TPD52: variants seen among roughly 807,000 people sequenced by gnomAD.
The protein encoded by TPD52 is tumor protein D52, also known as prostate and colon associated protein.
A neutral mutation model predicts 31.3 loss-of-function variants in TPD52; 17 were observed. The ratio of observed to expected loss-of-function variants is 0.54; its 90% confidence interval spans 0.37 to 0.82. TPD52 has a LOEUF of 0.82. Ranked by LOEUF, TPD52 falls within the 40% of genes least tolerant of loss-of-function variation. TPD52 has a pLI of 0.00. For synonymous variants in TPD52, 83 were observed against 89.6 expected, an observed-to-expected ratio of 0.93 and a Z score of 0.42; for missense variants, 212 against 240.1, an observed-to-expected ratio of 0.88 and a Z score of 0.77.
At chr8:80,051,342 G>T in intron 4 of TPD52, 185 bp downstream of exon 4, 1 of 570,494 alleles carries the variant, frequency 1.8e-6, no homozygotes, top group South Asian at 2.2e-5. Context: ...ATCATTTGAT[G>T]TTAGAATGCT....
At chr8:80,154,701 TGACA>T (rs1371522953) in intron 1 of TPD52, among the ~76,000 whole-genome samples, 10 of 110,982 alleles carry the variant, frequency 9.0e-5, no homozygotes, top group Non-Finnish European at 1.8e-5. Flanking sequence ...CTTTGAATCA[TGACA>T]TACACACACA....
In TPD52 at chr8:80,062,631, G is replaced by A. The variant is rs185954504; in HGVS notation, c.135+1847C>T. On this transcript the variant is annotated intron_variant, in intron 2 of 7. Transcript: ENST00000518937. ...ATTGCTGATGGGAATATTAAATGGT[G>A]TTAATACTGTGAAAACAGTTTGGTG... Among the ~76,000 whole-genome samples the A allele has an allele frequency of 2.9e-3, 445 of 152,254 alleles. 13 individuals are homozygous for A. The highest frequency in any genetic ancestry group is 3.8e-4 in the Non-Finnish European group (26 of 68,016).
chr8:80,105,061 AAAAATAAAAAATAAGAAAAATTTTTT>A (rs1356101587), intron 1 of TPD52, among the ~76,000 whole-genome samples: 1 of 152,170 alleles, frequency 6.6e-6, no homozygotes, highest in Admixed American at 6.6e-5. Context: ...ACTGTCTCAA[AAAAATAAAAAATAAGAAAAATTTTTT>A]AAAAGAAAAT....
At chr8:80,061,603 T>G (rs1812561823) in intron 2 of TPD52, among the ~76,000 whole-genome samples, 1 of 152,076 alleles carries the variant, frequency 6.6e-6, no homozygotes, top group African/African-American at 2.4e-5. Flanking sequence ...GAGGATCACT[T>G]GAGCTGGGAG....
intron 1 of TPD52, among the ~76,000 whole-genome samples, chr8:80,163,932 T>C (rs1323162665): frequency 6.6e-6 from 1 of 151,660 alleles, no homozygotes; most frequent in South Asian, 2.1e-4. Context: ...AAAACAAAAC[T>C]GTTATGTGTA....
intron 1 of TPD52, among the ~76,000 whole-genome samples, chr8:80,154,422 T>C (rs934539879): frequency 6.6e-6 from 1 of 152,168 alleles, no homozygotes; most frequent in Non-Finnish European, 1.5e-5. Context: ...ACTACAGAGG[T>C]CTATGTCCTG....
intron 1 of TPD52, among the ~76,000 whole-genome samples, chr8:80,095,052 C>G (rs961381096): frequency 2.6e-5 from 4 of 152,050 alleles, no homozygotes; most frequent in African/African-American, 9.7e-5. Flanking sequence ...AAACTTATGA[C>G]CACACAAAAC....
intron 1 of TPD52, among the ~76,000 whole-genome samples, chr8:80,138,261 T>C (rs1341208298): frequency 6.6e-6 from 1 of 152,122 alleles, no homozygotes; most frequent in Non-Finnish European, 1.5e-5. Flanking sequence ...CTGTCTCTAA[T>C]TATTTCTCAG....
rs370365519 is a variant in TPD52 at position 80,077,884 on chromosome 8, T to C, written c.20-13291A>G. Among the ~76,000 whole-genome samples, 14 of 152,350 alleles carry C rather than the reference T, an allele frequency of 9.2e-5. No individual in the cohort carries two copies. In the East Asian group the frequency reaches 2.3e-3, roughly 25 times the overall value. ...TCTGAAACTATTATAAATTGGTGTT[T>C]TCACACTATGGGTTGTAAAATCCAG... On this transcript the variant is annotated intron_variant, in intron 1 of 7. Transcript: ENST00000518937.
At chr8:80,138,008 G>T (rs974242857) in intron 1 of TPD52, among the ~76,000 whole-genome samples, 1 of 151,994 alleles carries the variant, frequency 6.6e-6, no homozygotes, top group South Asian at 2.1e-4. Context: ...GCAATGGCAC[G>T]ATCTTGGCTC....
chr8:80,120,630 T>C (rs1036607244), intron 1 of TPD52, among the ~76,000 whole-genome samples: 1 of 152,248 alleles, frequency 6.6e-6, no homozygotes, highest in Non-Finnish European at 1.5e-5. Flanking sequence ...TTTATCAACA[T>C]TGTCATTTGA....
intron 5 of TPD52, among the ~76,000 whole-genome samples, chr8:80,049,709 T>A (rs1477835759): frequency 6.6e-6 from 1 of 152,214 alleles, no homozygotes; most frequent in Non-Finnish European, 1.5e-5. Context: ...AGAGTCTGCC[T>A]GGGAAAGAGA....
chr8:80,082,611 C>G (rs1252359239), intron 1 of TPD52, among the ~76,000 whole-genome samples: 1 of 152,192 alleles, frequency 6.6e-6, no homozygotes, highest in African/African-American at 2.4e-5. Context: ...TCCAGCCTGT[C>G]AAAGTTATTC....
At chr8:80,130,463 C>T (rs899884450) in intron 1 of TPD52, among the ~76,000 whole-genome samples, 2 of 152,108 alleles carry the variant, frequency 1.3e-5, no homozygotes, top group African/African-American at 4.8e-5. Context: ...TACATGGTAA[C>T]CATCTGGTTG....
At chr8:80,143,565 A>G (rs189562784) in intron 1 of TPD52, among the ~76,000 whole-genome samples, 82 of 151,946 alleles carry the variant, frequency 5.4e-4, no homozygotes, top group Middle Eastern at 3.4e-3. Context: ...CTCATATGCT[A>G]GCATCCACCA....
At chr8:80,171,016 C>T (rs1180085754) in intron 1 of TPD52, 2 of 442,476 alleles carry the variant, frequency 4.5e-6, no homozygotes, top group Non-Finnish European at 8.4e-6. Context: ...AGAGGGGTTT[C>T]CCACCTGGAG....
intron 5 of TPD52, 41 bp downstream of exon 5, chr8:80,050,404 T>C (rs570084651): frequency 1.8e-4 from 283 of 1,582,232 alleles, no homozygotes; most frequent in East Asian, 1.3e-3. Flanking sequence ...ACTTTTCTTA[T>C]ACAACTGCTG....
At chr8:80,083,281 C>A (rs1413406044) in intron 1 of TPD52, among the ~76,000 whole-genome samples, 1 of 151,970 alleles carries the variant, frequency 6.6e-6, no homozygotes, top group Non-Finnish European at 1.5e-5. Context: ...GCACTGCAGG[C>A]ATAAAGAGGC....
At chr8:80,096,963 G>C (rs1397976949) in intron 1 of TPD52, among the ~76,000 whole-genome samples, 2 of 152,196 alleles carry the variant, frequency 1.3e-5, no homozygotes, top group Non-Finnish European at 2.9e-5. Context: ...AATAGTCTCT[G>C]TAGGCCAAAA....
Sources: allele counts gnomAD v4.1 joint callset (sites outside exome capture counted in the v4.1 genomes callset), GRCh38; gene constraint gnomAD v4.1.1; transcripts MANE v1.5; gene names NCBI Gene and HGNC (gene_info 2026-07-23, HGNC 2026-07-21).